Variants in PLXDC2 observed in about 807,000 individuals in gnomAD.
PLXDC2 encodes the protein plexin domain-containing protein 2.
PLXDC2 carries 40 observed loss-of-function variants against 68.9 expected under a neutral mutation model. The observed-to-expected ratio is 0.58, with a 90% confidence interval of 0.45 to 0.76. The LOEUF (loss-of-function observed/expected upper bound fraction) is 0.76, where lower values mean the gene tolerates loss of function less well. PLXDC2 is among the 30% of genes least tolerant of loss of function. PLXDC2 has a pLI of 0.00. For synonymous variants in PLXDC2, 243 were observed against 234.2 expected (o/e 1.04, Z -0.34); for missense variants, 644 against 661.9 (o/e 0.97, Z 0.30).
In PLXDC2 at chr10:20,145,549, T is replaced by C. The variant is rs143414581; in HGVS notation, c.664+2132T>C. ...TTAACATGTGCAAACAGTACACTTT[T>C]TTTTGTTTTTTGTGTTTTGAGATGG... On this transcript the variant is annotated intron_variant, in intron 5 of 13. Transcript: ENST00000377252. Among the ~76,000 whole-genome samples the C allele has an allele frequency of 1.1e-3, 173 of 152,222 alleles. 2 individuals carry two copies. Among genetic ancestry groups the C allele is most frequent in the African/African-American group, 4.0e-3 (166 of 41,534 alleles).
intron 13 of PLXDC2, among the ~76,000 whole-genome samples, chr10:20,260,009 A>C (rs7913908): frequency 6.6e-6 from 1 of 151,998 alleles, no homozygotes; most frequent in East Asian, 1.9e-4. Context: ...ACCATCGTAT[A>C]TGTCTTAATG....
chr10:20,027,466 G>C (rs767374425), intron 2 of PLXDC2, among the ~76,000 whole-genome samples: 1 of 152,106 alleles, frequency 6.6e-6, no homozygotes, highest in Non-Finnish European at 1.5e-5. Flanking sequence ...ACAGGTGCCA[G>C]TACCTTGATC....
intron 3 of PLXDC2, among the ~76,000 whole-genome samples, chr10:20,067,655 T>TCCAG (rs1289085205): frequency 2.1e-5 from 3 of 140,510 alleles, no homozygotes; most frequent in Non-Finnish European, 4.5e-5. Flanking sequence ...GTCACTTCAC[T>TCCAG]CCAGCCTGGG....
intron 2 of PLXDC2, among the ~76,000 whole-genome samples, chr10:20,005,376 T>C: frequency 6.6e-6 from 1 of 152,198 alleles, no homozygotes; most frequent in East Asian, 1.9e-4. Context: ...TGGAGATTAT[T>C]GGGATCTAAA....
intron 1 of PLXDC2, among the ~76,000 whole-genome samples, chr10:19,936,062 T>G (rs1564633133): frequency 6.6e-6 from 1 of 152,216 alleles, no homozygotes; most frequent in Non-Finnish European, 1.5e-5. Flanking sequence ...AATTTGCTCA[T>G]GGGGTGTCTT....
intron 3 of PLXDC2, among the ~76,000 whole-genome samples, chr10:20,060,097 A>G (rs1434602202): frequency 6.6e-6 from 1 of 152,150 alleles, no homozygotes; most frequent in African/African-American, 2.4e-5. Flanking sequence ...CAGTGGTGTG[A>G]TCACAGCTCA....
At chr10:19,865,464 C>G (rs1203425386) in intron 1 of PLXDC2, among the ~76,000 whole-genome samples, 2 of 152,182 alleles carry the variant, frequency 1.3e-5, no homozygotes, top group Non-Finnish European at 2.9e-5. Flanking sequence ...GTTCTGCCCT[C>G]TCATTACTGG....
intron 9 of PLXDC2, among the ~76,000 whole-genome samples, chr10:20,188,315 A>G (rs934214278): frequency 6.6e-5 from 10 of 151,570 alleles, no homozygotes; most frequent in Non-Finnish European, 8.9e-5. Flanking sequence ...ACTTCTATGA[A>G]ATCAACATTT....
At chr10:20,032,435 G>C (rs566962216) in intron 2 of PLXDC2, among the ~76,000 whole-genome samples, 28 of 152,244 alleles carry the variant, frequency 1.8e-4, no homozygotes, top group Non-Finnish European at 2.8e-4. Flanking sequence ...TTGAACAGGG[G>C]CATGATATGA....
intron 3 of PLXDC2, among the ~76,000 whole-genome samples, chr10:20,054,964 T>C (rs527692742): frequency 3.9e-5 from 6 of 152,160 alleles, no homozygotes; most frequent in Non-Finnish European, 8.8e-5. Flanking sequence ...CAATTGCCAA[T>C]ATACTGTTTG....
At chr10:20,245,069 A>G (rs1835570901) in intron 12 of PLXDC2, among the ~76,000 whole-genome samples, 1 of 152,204 alleles carries the variant, frequency 6.6e-6, no homozygotes, top group Non-Finnish European at 1.5e-5. Context: ...AGCCAAGATC[A>G]TGCCTTTGCA....
At chr10:20,021,678 A>ATTAT (rs71388891) in intron 2 of PLXDC2, among the ~76,000 whole-genome samples, 20,916 of 148,408 alleles carry the variant, frequency 0.14, 1,722 homozygotes, top group Non-Finnish European at 0.19. Flanking sequence ...ATTTTTTTTT[A>ATTAT]TTATTTATTT....
chr10:20,196,276 A>G (rs1381285991), intron 9 of PLXDC2, among the ~76,000 whole-genome samples: 1 of 152,128 alleles, frequency 6.6e-6, no homozygotes, highest in Non-Finnish European at 1.5e-5. Context: ...TCCCTGTTTT[A>G]TAACTGATTT....
At chr10:19,934,424 C>A (rs1833690354) in intron 1 of PLXDC2, among the ~76,000 whole-genome samples, 2 of 152,194 alleles carry the variant, frequency 1.3e-5, no homozygotes, top group Middle Eastern at 3.4e-3. Context: ...TACCTTTGAA[C>A]AATAGAACAA....
At chr10:19,885,447 A>G (rs1837825293) in intron 1 of PLXDC2, among the ~76,000 whole-genome samples, 1 of 152,070 alleles carries the variant, frequency 6.6e-6, no homozygotes, top group African/African-American at 2.4e-5. Context: ...GTCCTGAATG[A>G]TAATGCCTAA....
Position 20,143,396 on chromosome 10 carries a change from A to G in PLXDC2, c.643A>G (p.Thr215Ala). 1.2e-6 allele frequency: 2 copies of G among 1,613,180 alleles called. No homozygotes were observed. The highest frequency in any genetic ancestry group is 1.3e-5 in the African/African-American group (1 of 75,002). Residue 215 changes from threonine (T) to alanine (A), a missense_variant, in exon 5 of 14, where the codon ACT becomes GCT. Thr to Ala is a moderately conservative substitution (Grantham distance 58). Transcript: ENST00000377252. ...CGATCCCAGTGTATCCAGAAATTCA[A>G]CTGTCAGATATTTTGATAATGGTAT... ...NFDPSVSRNS[T>A]VRYFDNGTAL...
intron 2 of PLXDC2, among the ~76,000 whole-genome samples, chr10:20,014,306 T>TC (rs1291600582): frequency 7.4e-6 from 1 of 134,478 alleles, no homozygotes; most frequent in African/African-American, 2.8e-5. Flanking sequence ...CTTCCTTCCC[T>TC]CGCCCCACTT....
chr10:20,126,402 T>TGTATATATAACACACGTTATATAC (rs1564324993), intron 4 of PLXDC2, among the ~76,000 whole-genome samples: 1 of 142,862 alleles, frequency 7.0e-6, no homozygotes, highest in African/African-American at 2.6e-5. Context: ...AATACATATA[T>TGTATATATAACACACGTTATATAC]GTATATACAA....
At chr10:20,098,084 C>T (rs887175379) in intron 4 of PLXDC2, among the ~76,000 whole-genome samples, 1 of 151,642 alleles carries the variant, frequency 6.6e-6, no homozygotes, top group African/African-American at 2.4e-5. Flanking sequence ...TTGTGGGGGG[C>T]GGTACGGCTG....
Sources: gnomAD v4.1 joint callset for allele counts (sites outside exome capture counted in the v4.1 genomes callset) on GRCh38, gnomAD v4.1.1 for gene constraint, MANE v1.5 for transcripts, NCBI Gene and HGNC (gene_info 2026-07-23, HGNC 2026-07-21) for gene names.